Variants in GCNT4 observed in about 807,000 individuals in gnomAD.
GCNT4 encodes the protein glucosaminyl (N-acetyl) transferase 4.
GCNT4 carries 17 observed loss-of-function variants against 31.3 expected under a neutral mutation model. The observed-to-expected ratio is 0.54, with a 90% CI of 0.37 to 0.81. The LOEUF is 0.81. GCNT4 is among the 40% of genes least tolerant of loss of function. GCNT4 has a pLI of 0.00. For missense variants in GCNT4, 503 were observed against 525.5 expected, an observed-to-expected ratio of 0.96 and a Z score of 0.42; for synonymous variants, 158 against 190.6, an observed-to-expected ratio of 0.83 and a Z score of 1.41.
chr5:75,019,234 C>T, the GCNT4 span, among the ~76,000 whole-genome samples: 1 of 152,102 alleles, frequency 6.6e-6, no homozygotes, highest in Non-Finnish European at 1.5e-5. Context: ...CTCAGACATA[C>T]GAGGATATAA....
chr5:75,020,612 C>A (rs187455262), downstream of GCNT4, among the ~76,000 whole-genome samples: 570 of 152,168 alleles, frequency 3.7e-3, 3 homozygotes, highest in African/African-American at 0.013. Flanking sequence ...CCCATCCACC[C>A]ACTTGCCTCA....
chr5:75,024,975 G>T (rs536533678), downstream of GCNT4, among the ~76,000 whole-genome samples: 3 of 140,358 alleles, frequency 2.1e-5, no homozygotes, highest in African/African-American at 7.9e-5. Flanking sequence ...AAAAAAAAAA[G>T]GTAGAAAGGG....
intron 3 of GCNT4, among the ~76,000 whole-genome samples, chr5:75,037,495 GAGGAC>G (rs1282173099): frequency 6.6e-6 from 1 of 152,196 alleles, no homozygotes; most frequent in Non-Finnish European, 1.5e-5. Flanking sequence ...AATACAAATT[GAGGAC>G]AAGCATTTCT....
intron 3 of GCNT4, among the ~76,000 whole-genome samples, chr5:75,046,758 G>A (rs1743447204): frequency 6.6e-6 from 1 of 152,210 alleles, no homozygotes; most frequent in Admixed American, 6.5e-5. Flanking sequence ...TAGAAGCACA[G>A]AGGATTCCTG....
chr5:75,048,367 C>T lies in GCNT4; in HGVS notation c.-142-330G>A, dbSNP rs371150110. Among the ~76,000 whole-genome samples, 8 of 152,056 alleles carry T rather than the reference C, an allele frequency of 5.3e-5. No individual in the cohort carries two copies. In the East Asian group the frequency reaches 1.2e-3, roughly 22 times the overall value. ...AACAGAGAGAAGTACAAAACTAACA[C>T]GTGCAAAAAATTAACTGTATTCGTT... On this transcript the variant is annotated intron_variant, in intron 2 of 3. Coordinates refer to ENST00000652361, the MANE Select transcript of GCNT4 (RefSeq NM_001366737.1).
In GCNT4 at chr5:75,028,918, A is replaced by G; in HGVS notation, c.1120T>C (p.Tyr374His). The stretch of plus-strand genomic sequence containing the variant: ...CAACTGGGATAGAAAAAGCCTTCAT[A>G]GTAATTCCACTTGACAAGGCGAGTC... Reference protein sequence around the residue: ...SKTRLVKWNYYEGFFYPSCTG... With the variant: ...SKTRLVKWNYHEGFFYPSCTG... Residue 374 changes from tyrosine (Y) to histidine (H), a missense_variant, in exon 4 of 4, where the codon TAT (tyrosine) becomes CAT (histidine). Coordinates refer to ENST00000652361, the MANE Select transcript of GCNT4 (RefSeq NM_001366737.1). 1 of 1,614,026 alleles carries G rather than the reference A, an allele frequency of 6.2e-7. No homozygotes were observed. The highest frequency in any genetic ancestry group is 2.2e-5 in the East Asian group (1 of 44,878).
upstream of GCNT4, among the ~76,000 whole-genome samples, chr5:75,053,125 C>T (rs1743623089): frequency 6.6e-6 from 1 of 151,846 alleles, no homozygotes; most frequent in Non-Finnish European, 1.5e-5. Context: ...GCTGCCCTTT[C>T]CCCCCGCTGG....
intron 3 of GCNT4, among the ~76,000 whole-genome samples, chr5:75,045,051 CTTT>C (rs1402351571): frequency 2.6e-5 from 4 of 152,078 alleles, no homozygotes; most frequent in African/African-American, 9.7e-5. Flanking sequence ...TGGTTCACTT[CTTT>C]GTTATAAAAA....
Position 75,028,798 on chromosome 5 carries a change from A to C in GCNT4, c.1240T>G (p.Ser414Ala). Residue 414 changes from serine (S) to alanine (A), a missense_variant, in exon 4 of 4, where the codon TCT becomes GCT. Transcript: ENST00000652361. ...TTAATCAAGATAGGGTCCACCTTAG[A>C]ATCAAATTTATTAGCAAACCAATGT... ...DGHWFANKFDSKVDPILIKCL... is the reference protein window; with the variant it reads ...DGHWFANKFDAKVDPILIKCL... The C allele has an allele frequency of 6.2e-7, 1 of 1,614,070 alleles. No homozygotes were observed. Among genetic ancestry groups the C allele is most frequent in the Non-Finnish European group, 8.5e-7 (1 of 1,180,004 alleles).
chr5:75,039,811 T>C (rs960279798), intron 3 of GCNT4, among the ~76,000 whole-genome samples: 2 of 152,230 alleles, frequency 1.3e-5, no homozygotes, highest in African/African-American at 4.8e-5. Flanking sequence ...TTCTCTGTAC[T>C]GTAGCCAAAA....
At chr5:75,035,198 C>T (rs1244429963) in intron 3 of GCNT4, among the ~76,000 whole-genome samples, 1 of 152,374 alleles carries the variant, frequency 6.6e-6, no homozygotes, top group South Asian at 2.1e-4. Flanking sequence ...TAGGTAGGCA[C>T]GACTGCATTC....
chr5:75,024,847 A>G (rs1253232042), downstream of GCNT4, among the ~76,000 whole-genome samples: 1 of 146,100 alleles, frequency 6.8e-6, no homozygotes, highest in African/African-American at 2.5e-5. Context: ...GTTACTTGGG[A>G]GGCTGAGGCA....
At chr5:75,040,155 T>C (rs538666854) in intron 3 of GCNT4, among the ~76,000 whole-genome samples, 1 of 151,970 alleles carries the variant, frequency 6.6e-6, no homozygotes, top group East Asian at 1.9e-4. Context: ...GGAAAAGAAA[T>C]AGCTTTTCCT....
Position 75,029,401 on chromosome 5 carries a change from G to A in GCNT4, c.637C>T (p.Leu213Phe), listed in dbSNP as rs1208102362. The A allele has an allele frequency of 6.2e-6, 10 of 1,614,138 alleles. No homozygotes were observed. The highest frequency in any genetic ancestry group is 8.5e-6 in the Non-Finnish European group (10 of 1,180,022). The change falls in exon 4 of 4, where the codon CTT (leucine) becomes TTT (phenylalanine). Residue 213 changes from leucine (L) to phenylalanine (F), a missense_variant. By Grantham distance (22) the Leu-to-Phe change is conservative (BLOSUM62 0). Coordinates refer to ENST00000652361, the MANE Select transcript of GCNT4 (RefSeq NM_001366737.1). Reference sequence around the variant, plus strand: ...TTCCACTGGATTGAAGACTTCAGAAGGTCCGACAAGCAATTTAAATCAGCC... The same window carrying A: ...TTCCACTGGATTGAAGACTTCAGAAAGTCCGACAAGCAATTTAAATCAGCC... ...LQADLNCLSD[L>F]LKSSIQWKYV...
chr5:75,051,566 C>T (rs1264095747), intron 2 of GCNT4, among the ~76,000 whole-genome samples: 1 of 152,176 alleles, frequency 6.6e-6, no homozygotes, highest in African/African-American at 2.4e-5. Context: ...CCGTCAGGTA[C>T]AGGGCCCTCT....
chr5:75,052,322 C>G (rs1743592179), intron 1 of GCNT4, 95 bp from the exon 2 acceptor site: 1 of 152,018 alleles, frequency 6.6e-6, no homozygotes, highest in African/African-American at 2.4e-5. Flanking sequence ...TCTGCCTGCC[C>G]AACGAGGGGA....
Position 75,037,948 on chromosome 5 carries a change from T to TA in GCNT4, c.-1-7911dup, listed in dbSNP as rs374826808. The stretch of plus-strand genomic sequence containing the variant: ...ACAAAAAAACCCAAACCACTTTCAT[T>TA]AAAAAAAAAAAAAAAAAATCAGAAA... On this transcript the variant is annotated intron_variant, in intron 3 of 3. Coordinates refer to ENST00000652361, the MANE Select transcript of GCNT4 (RefSeq NM_001366737.1). Among the ~76,000 whole-genome samples, 892 of 134,252 alleles carry TA rather than the reference T, an allele frequency of 6.6e-3. 4 individuals are homozygous for TA. The highest frequency in any genetic ancestry group is 9.2e-3 in the Non-Finnish European group (566 of 61,640). The allele number at this position is 134,252 out of a possible 152,430, so 88.1% of individuals were successfully genotyped here. A position where few individuals can be genotyped will look rare whatever the true frequency, so the allele number is the denominator to read the frequency against.
In GCNT4 at chr5:75,029,373, T is replaced by A. The variant is rs1306779547; in HGVS notation, c.665A>T (p.Tyr222Phe). 1 of 1,614,172 alleles carries A rather than the reference T, an allele frequency of 6.2e-7. No individual in the cohort carries two copies. The highest frequency in any genetic ancestry group is 8.5e-7 in the Non-Finnish European group (1 of 1,180,028). The change falls in exon 4 of 4, where the codon TAT becomes TTT. Residue 222 changes from tyrosine (Y) to phenylalanine (F), a missense_variant. Tyr to Phe is a conservative substitution (Grantham distance 22). Transcript: ENST00000652361. ...DLLKSSIQWKYVINLCGQDFP... is the reference protein window; with the variant it reads ...DLLKSSIQWKFVINLCGQDFP... ...ATCTTGCCCACACAAGTTGATAACA[T>A]ATTTCCACTGGATTGAAGACTTCAG...
chr5:75,053,922 C>G (rs1373413891), upstream of GCNT4, among the ~76,000 whole-genome samples: 2 of 152,168 alleles, frequency 1.3e-5, no homozygotes, highest in African/African-American at 4.8e-5. Context: ...CAAAGTCGCT[C>G]ACAAGGCAGT....
Sources: gnomAD v4.1 joint callset for allele counts (sites outside exome capture counted in the v4.1 genomes callset) on GRCh38, gnomAD v4.1.1 for gene constraint, MANE v1.5 for transcripts, NCBI Gene and HGNC (gene_info 2026-07-23, HGNC 2026-07-21) for gene names.